The following ATG5 variants were observed in gnomAD, a reference collection of about 807,000 sequenced individuals.
ATG5 encodes the protein autophagy related 5.
ATG5 carries 14 observed loss-of-function variants against 36.5 expected under a neutral mutation model. The observed-to-expected ratio is 0.38, with a 90% CI of 0.25 to 0.60. ATG5 has a LOEUF of 0.60. ATG5 is among the 20% of genes least tolerant of loss of function. The probability of loss-of-function intolerance (pLI) is 0.60; values close to 1 mark genes in which losing one functional copy is unlikely to be tolerated. For missense variants in ATG5, 195 were observed against 326.7 expected (o/e 0.60, Z 3.11); for synonymous variants, 95 against 101.5 (o/e 0.94, Z 0.38).
intron 6 of ATG5, chr6:106,202,531 C>T (rs1355296031): frequency 6.5e-6 from 1 of 154,124 alleles, no homozygotes; most frequent in African/African-American, 2.4e-5. Flanking sequence ...TGGGGAAATA[C>T]AGAATGGACA....
intron 1 of ATG5, among the ~76,000 whole-genome samples, chr6:106,319,148 T>C (rs780876588): frequency 6.6e-6 from 1 of 152,178 alleles, no homozygotes; most frequent in Non-Finnish European, 1.5e-5. Context: ...GATACAAGAA[T>C]TAAATGAATA....
Position 106,227,522 on chromosome 6 carries a change from G to A in ATG5, c.573+20628C>T, listed in dbSNP as rs569616110. 7.2e-5 allele frequency among the ~76,000 whole-genome samples: 11 copies of A among 152,300 alleles called. No individual in the cohort carries two copies. The East Asian group carries it at 1.7e-3, about 24-fold the overall frequency. On this transcript the variant is annotated intron_variant, in intron 6 of 7. Transcript: ENST00000369076. ...AAGGTGGAAAGATCGCTTGAGCCCA[G>A]GAGTTGGAGGCTGCAGTGAGCTATG...
At chr6:106,290,259 ATTTATTTTATTTTAT>A (rs141834176) in intron 4 of ATG5, among the ~76,000 whole-genome samples, 1 of 141,548 alleles carries the variant, frequency 7.1e-6, no homozygotes, top group Non-Finnish European at 1.5e-5. Flanking sequence ...ATTTTATTTT[ATTTATTTTATTTTAT>A]TTTATTTTAT....
chr6:106,279,844 C>T (rs1624701), intron 4 of ATG5, 21 bp from the exon 5 acceptor site: 112,646 of 1,429,140 alleles, frequency 0.079, 4,647 homozygotes, highest in South Asian at 0.12. Context: ...AAAAAATATA[C>T]ATATAAAACA....
chr6:106,268,062 A>G (rs1779294722), intron 5 of ATG5, among the ~76,000 whole-genome samples: 1 of 152,246 alleles, frequency 6.6e-6, no homozygotes, highest in Non-Finnish European at 1.5e-5. Flanking sequence ...CAGCTTCTGC[A>G]CAGCAAAAGA....
intron 6 of ATG5, among the ~76,000 whole-genome samples, chr6:106,229,755 T>C (rs1327041578): frequency 1.3e-5 from 2 of 152,200 alleles, no homozygotes; most frequent in Non-Finnish European, 2.9e-5. Flanking sequence ...TAACATCCAG[T>C]GACCTGCGGA....
At chr6:106,282,953 A>AT (rs1047990572) in intron 4 of ATG5, among the ~76,000 whole-genome samples, 22 of 151,844 alleles carry the variant, frequency 1.4e-4, no homozygotes, top group Admixed American at 3.3e-4. Flanking sequence ...CACTCAGCTA[A>AT]TTTTTTTAAT....
chr6:106,322,212 C>A (rs902253301), intron 1 of ATG5, among the ~76,000 whole-genome samples: 14 of 151,594 alleles, frequency 9.2e-5, no homozygotes, highest in African/African-American at 3.4e-4. Flanking sequence ...AGTAGGTGCC[C>A]ACCAACAACA....
intron 6 of ATG5, among the ~76,000 whole-genome samples, chr6:106,237,783 T>C (rs1348047769): frequency 1.3e-5 from 2 of 152,192 alleles, no homozygotes; most frequent in African/African-American, 4.8e-5. Context: ...TCACTGCTTA[T>C]ATAGTTGGTT....
At chr6:106,242,848 T>C (rs1249004049) in intron 6 of ATG5, among the ~76,000 whole-genome samples, 2 of 152,222 alleles carry the variant, frequency 1.3e-5, no homozygotes, top group African/African-American at 4.8e-5. Context: ...TTGCAAGATA[T>C]CTACTAAAAT....
intron 3 of ATG5, among the ~76,000 whole-genome samples, chr6:106,295,978 T>A (rs1026918048): frequency 6.6e-6 from 1 of 152,132 alleles, no homozygotes; most frequent in African/African-American, 2.4e-5. Flanking sequence ...ATAAATATTT[T>A]AAAAATGAGA....
At chr6:106,309,518 G>A (rs1770569504) in intron 2 of ATG5, among the ~76,000 whole-genome samples, 1 of 152,080 alleles carries the variant, frequency 6.6e-6, no homozygotes, top group Admixed American at 6.5e-5. Context: ...ATAGTATTAT[G>A]CATTCAACAG....
chr6:106,295,381 C>T (rs1295130456), intron 3 of ATG5, among the ~76,000 whole-genome samples: 2 of 152,110 alleles, frequency 1.3e-5, no homozygotes, highest in Non-Finnish European at 2.9e-5. Flanking sequence ...ACACAAAGAA[C>T]TCCGCTAGGC....
intron 6 of ATG5, among the ~76,000 whole-genome samples, chr6:106,202,865 G>A (rs1776485515): frequency 6.6e-6 from 1 of 152,114 alleles, no homozygotes; most frequent in Admixed American, 6.6e-5. Context: ...GTTTCACCAT[G>A]TTGCCCAGGC....
intron 6 of ATG5, among the ~76,000 whole-genome samples, chr6:106,211,221 G>A (rs1776838453): frequency 6.6e-6 from 1 of 152,142 alleles, no homozygotes; most frequent in African/African-American, 2.4e-5. Flanking sequence ...GTGATAAAAA[G>A]CTATGAAAGA....
intron 6 of ATG5, among the ~76,000 whole-genome samples, chr6:106,208,980 T>C (rs1363198816): frequency 6.6e-6 from 1 of 152,210 alleles, no homozygotes; most frequent in Admixed American, 6.5e-5. Context: ...CACAATGTGA[T>C]ATCATTACAC....
intron 1 of ATG5, among the ~76,000 whole-genome samples, chr6:106,316,540 CTG>C (rs965961643): frequency 6.6e-6 from 1 of 152,140 alleles, no homozygotes; most frequent in Non-Finnish European, 1.5e-5. Flanking sequence ...CAAAATGAAA[CTG>C]TATCTGCATC....
intron 6 of ATG5, among the ~76,000 whole-genome samples, chr6:106,246,066 A>G (rs1409390428): frequency 6.6e-6 from 1 of 152,192 alleles, no homozygotes; most frequent in Non-Finnish European, 1.5e-5. Context: ...TTTTATATTC[A>G]TTTTCATATC....
chr6:106,211,107 G>A lies in ATG5; in HGVS notation c.574-9018C>T, dbSNP rs1033376752. On this transcript the variant is annotated intron_variant, in intron 6 of 7. Transcript: ENST00000369076. ...TGGTTTATTAAAAATGACCATTTAT[G>A]GCTAGAAGGGTATATATCTGGCTCA... 5.3e-5 allele frequency among the ~76,000 whole-genome samples: 8 copies of A among 152,162 alleles called. No homozygotes were observed. In the South Asian group the frequency reaches 1.4e-3, roughly 28 times the overall value.
Sources: allele counts gnomAD v4.1 joint callset (sites outside exome capture counted in the v4.1 genomes callset), GRCh38; gene constraint gnomAD v4.1.1; transcripts MANE v1.5; gene names NCBI Gene and HGNC (gene_info 2026-07-23, HGNC 2026-07-21).